Variants in FKBP15 observed in about 807,000 individuals in gnomAD.
The protein encoded by FKBP15 is FKBP prolyl isomerase family member 15, also known as FK506-binding protein 15.
A neutral mutation model predicts 158.1 loss-of-function variants in FKBP15; 106 were observed. That is an observed-to-expected ratio of 0.67 (90% CI 0.57 to 0.79). The LOEUF (loss-of-function observed/expected upper bound fraction) is 0.79, where lower values mean the gene tolerates loss of function less well. FKBP15 is among the 30% of genes least tolerant of loss of function. FKBP15 has a pLI of 0.00. For missense variants in FKBP15, 1,287 were observed against 1,479.1 expected, an observed-to-expected ratio of 0.87 and a Z score of 2.13; for synonymous variants, 547 against 548.6, an observed-to-expected ratio of 1.00 and a Z score of 0.04.
rs561723475 is a variant in FKBP15 at position 113,210,992 on chromosome 9, C to T, written c.169+485G>A. On this transcript the variant is annotated intron_variant, in intron 2 of 27. Coordinates refer to ENST00000238256, the MANE Select transcript of FKBP15 (RefSeq NM_015258.2). ...TCCCTACTTTTGAGGTTTTGAGACT[C>T]GGACTGATCCACTACTGGCTTCCTT... 2.3e-4 allele frequency among the ~76,000 whole-genome samples: 35 copies of T among 152,290 alleles called. No homozygotes were observed. The East Asian group carries it at 4.8e-3, about 21-fold the overall frequency.
At chr9:113,208,077 C>T (rs772658342) in intron 2 of FKBP15, among the ~76,000 whole-genome samples, 1 of 152,226 alleles carries the variant, frequency 6.6e-6, no homozygotes, top group Non-Finnish European at 1.5e-5. Context: ...GGCGCAGTGG[C>T]TCGTGCCTGT....
intron 9 of FKBP15, among the ~76,000 whole-genome samples, chr9:113,196,490 TCTC>T (rs1830687121): frequency 2.0e-5 from 3 of 151,728 alleles, no homozygotes; most frequent in South Asian, 4.2e-4. Flanking sequence ...TTCAATCAAT[TCTC>T]CTGCCTCAGC....
At chr9:113,206,437 G>T in intron 4 of FKBP15, 72 bp downstream of exon 4, 1 of 1,225,952 alleles carries the variant, frequency 8.2e-7, no homozygotes, top group Non-Finnish European at 1.2e-6. Flanking sequence ...CATCGGGCAA[G>T]CCAGATAAAA....
Position 113,183,785 on chromosome 9 carries a change from C to T in FKBP15, c.1777G>A (p.Asp593Asn). 6.2e-7 allele frequency: 1 copy of T among 1,613,632 alleles called. No homozygotes were observed. Among genetic ancestry groups the T allele is most frequent in the Non-Finnish European group, 8.5e-7 (1 of 1,179,658 alleles). The change falls in exon 18 of 28, where the codon GAC becomes AAC. Residue 593 changes from aspartate (D) to asparagine (N), a missense_variant. Transcript: ENST00000238256. ...EKSNRIEEQN[D>N]KISELIERNQ... Reference sequence around the variant, plus strand: ...CGTTCAATTAGTTCACTAATCTTGTCATTCTGTTCTTCTATCCGATTGCTC... The same window carrying T: ...CGTTCAATTAGTTCACTAATCTTGTTATTCTGTTCTTCTATCCGATTGCTC...
intron 1 of FKBP15, among the ~76,000 whole-genome samples, chr9:113,217,876 T>C (rs1333440996): frequency 2.0e-5 from 3 of 151,982 alleles, no homozygotes; most frequent in African/African-American, 7.3e-5. Flanking sequence ...TAAATAAATT[T>C]TTAGATTTTT....
intron 19 of FKBP15, among the ~76,000 whole-genome samples, chr9:113,180,718 T>C: frequency 6.6e-6 from 1 of 152,184 alleles, no homozygotes; most frequent in East Asian, 1.9e-4. Flanking sequence ...TCTTTTACCC[T>C]TTCATTCTCT....
chr9:113,184,502 G>C lies in FKBP15; in HGVS notation c.1609-103C>G. 1.0e-6 allele frequency: 1 copy of C among 991,868 alleles called. No homozygotes were observed. The highest frequency in any genetic ancestry group is 1.5e-6 in the Non-Finnish European group (1 of 646,486). The allele number at this position is 991,868 out of a possible 1,614,324, so 61.4% of individuals were successfully genotyped here. On this transcript the variant is annotated intron_variant, in intron 16 of 27. Coordinates refer to ENST00000238256, the MANE Select transcript of FKBP15 (RefSeq NM_015258.2). The surrounding 1 kb of genome is among the most constrained non-coding windows in gnomAD (Gnocchi z 4.5). ...TTGTTAAGGGGGTTAATGAGTTCCT[G>C]GGACAATCTCTAACTGTTAAGTTAG... is the stretch of plus-strand genomic sequence containing the variant.
chr9:113,181,181 T>C (rs1830389056), intron 19 of FKBP15, among the ~76,000 whole-genome samples: 1 of 152,212 alleles, frequency 6.6e-6, no homozygotes. Flanking sequence ...GTGATTACTA[T>C]TGTCATTATT....
At chr9:113,217,272 G>A (rs1422671091) in intron 1 of FKBP15, among the ~76,000 whole-genome samples, 2 of 147,220 alleles carry the variant, frequency 1.4e-5, no homozygotes, top group African/African-American at 5.1e-5. Flanking sequence ...GAGTGCAGTG[G>A]CACGACCTTG....
chr9:113,210,727 C>CA (rs1205401907), intron 2 of FKBP15, among the ~76,000 whole-genome samples: 6 of 152,016 alleles, frequency 3.9e-5, no homozygotes, highest in Non-Finnish European at 7.4e-5. Flanking sequence ...AACCCACCCT[C>CA]AATCTTGTTG....
In FKBP15 at chr9:113,207,253, A is replaced by C; in HGVS notation, c.213T>G (p.Thr71=). The change falls in exon 3 of 28, where the codon ACT becomes ACG. Residue 71 remains threonine, a synonymous_variant. Transcript: ENST00000238256. ...CTGCTGTTGCGACCAGTATTGTGGG[A>C]GTGCTCATGGTGGCTGGTGCTGTTT... is the stretch of plus-strand genomic sequence containing the variant. ...TPKTAPATMS[T]PTILVATAVH... is the part of the protein sequence containing the mutation. 1 of 1,612,580 alleles carries C rather than the reference A, an allele frequency of 6.2e-7. No homozygotes were observed. Among genetic ancestry groups the C allele is most frequent in the Non-Finnish European group, 8.5e-7 (1 of 1,179,186 alleles).
chr9:113,215,099 T>A (rs1320775395), intron 1 of FKBP15, among the ~76,000 whole-genome samples: 1 of 152,244 alleles, frequency 6.6e-6, no homozygotes, highest in African/African-American at 2.4e-5. Context: ...TGCTTTCTCA[T>A]CATTTGTGTG....
chr9:113,182,704 A>C, intron 19 of FKBP15, 62 bp downstream of exon 19: 2 of 1,348,710 alleles, frequency 1.5e-6, no homozygotes, highest in Non-Finnish European at 1.1e-6. Flanking sequence ...GAGTATGTAC[A>C]TGGGACCATT....
chr9:113,180,204 C>T (rs1830369041), intron 19 of FKBP15, among the ~76,000 whole-genome samples: 2 of 152,208 alleles, frequency 1.3e-5, no homozygotes, highest in South Asian at 4.1e-4. Context: ...TATCTCAGGT[C>T]CTTAGCTAGA....
At chr9:113,171,554 T>C (rs779739208) in intron 24 of FKBP15, 27 bp downstream of exon 24, 25 of 1,601,522 alleles carry the variant, frequency 1.6e-5, no homozygotes, top group Non-Finnish European at 1.6e-5. Context: ...ATAAATGGCT[T>C]GCTTCTCATT....
At chr9:113,166,666 G>A (rs927385847) in intron 27 of FKBP15, among the ~76,000 whole-genome samples, 4 of 152,170 alleles carry the variant, frequency 2.6e-5, no homozygotes, top group African/African-American at 9.7e-5. Context: ...GTTGAATTTG[G>A]AGGCTTGGCC....
In FKBP15 at chr9:113,198,362, T is replaced by A. The variant is rs1467505540; in HGVS notation, c.717+493A>T. Among the ~76,000 whole-genome samples the A allele has an allele frequency of 1.3e-5, 2 of 152,250 alleles. No individual in the cohort carries two copies. The highest frequency in any genetic ancestry group is 2.9e-5 in the Non-Finnish European group (2 of 68,046). ...ACAATTGTAACCATCTTCAATGTAG[T>A]GTCTCATAGATAAAAATCTCCCAAA... On this transcript the variant is annotated intron_variant, in intron 8 of 27. Coordinates refer to ENST00000238256, the MANE Select transcript of FKBP15 (RefSeq NM_015258.2). The surrounding 1 kb of genome is among the most constrained non-coding windows in gnomAD (Gnocchi z 5.2).
In FKBP15 at chr9:113,163,457, T is replaced by C. The variant is rs910795068; in HGVS notation, c.*2621A>G. On this transcript the variant is annotated 3_prime_UTR_variant, in exon 28 of 28. Transcript: ENST00000238256. ...AGATCATCTCGTCTATGGATCATGT[T>C]GACAAACTAAGTTTTTTTTATTTTT... is the stretch of plus-strand genomic sequence containing the variant. 1.3e-5 allele frequency: 2 copies of C among 152,690 alleles called. No individual in the cohort carries two copies. Among genetic ancestry groups the C allele is most frequent in the African/African-American group, 2.4e-5 (1 of 41,464 alleles). 9.5% of individuals were successfully genotyped at this position (152,690 alleles called of 1,614,324 possible). A position where few individuals can be genotyped will look rare whatever the true frequency, so the allele number is the denominator to read the frequency against.
Position 113,162,328 on chromosome 9 carries a change from G to C in FKBP15, c.*3750C>G. 1 of 215,226 alleles carries C rather than the reference G, an allele frequency of 4.6e-6. No homozygotes were observed. Among genetic ancestry groups the C allele is most frequent in the Non-Finnish European group, 9.2e-6 (1 of 108,676 alleles). The allele number at this position is 215,226 out of a possible 1,614,324, so 13.3% of individuals were successfully genotyped here. On this transcript the variant is annotated 3_prime_UTR_variant, in exon 28 of 28. Transcript: ENST00000238256. Reference sequence around the variant, plus strand: ...CAGAGAGGTTAAGACATTTGTCTAGGCCACTTTTAGTTAGTGGCAGGTCTA... The same window carrying C: ...CAGAGAGGTTAAGACATTTGTCTAGCCCACTTTTAGTTAGTGGCAGGTCTA...
Sources: gnomAD v4.1 joint callset for allele counts (sites outside exome capture counted in the v4.1 genomes callset) on GRCh38, gnomAD v4.1.1 for gene constraint, Gnocchi (gnomAD v3.1) non-coding constraint, MANE v1.5 for transcripts, NCBI Gene and HGNC (gene_info 2026-07-23, HGNC 2026-07-21) for gene names.